The following MAP1B variants were observed in gnomAD, a reference collection of about 807,000 sequenced individuals.
The protein encoded by MAP1B is microtubule-associated protein 1B.
A neutral mutation model predicts 176.1 loss-of-function variants in MAP1B; 12 were observed. The ratio of observed to expected loss-of-function variants is 0.07; its 90% CI spans 0.04 to 0.11. MAP1B has a LOEUF of 0.11. Among genes scored for constraint, MAP1B ranks in the 10% least tolerant of loss-of-function variants. The pLI, the probability that MAP1B is intolerant of heterozygous loss-of-function variation, is 1.00. For missense variants in MAP1B, 2,523 were observed against 2,990.5 expected, an observed-to-expected ratio of 0.84 and a Z score of 3.65; for synonymous variants, 1,044 against 1,135.0, an observed-to-expected ratio of 0.92 and a Z score of 1.61.
intron 4 of MAP1B, among the ~76,000 whole-genome samples, chr5:72,192,238 C>T (rs1747040033): frequency 6.6e-6 from 1 of 152,062 alleles, no homozygotes; most frequent in Non-Finnish European, 1.5e-5. Flanking sequence ...AACTATTGTA[C>T]AAAAAACCAT....
intron 2 of MAP1B, among the ~76,000 whole-genome samples, chr5:72,169,097 T>C (rs1746486458): frequency 6.6e-6 from 1 of 152,226 alleles, no homozygotes; most frequent in Non-Finnish European, 1.5e-5. Context: ...ACCCCATTAA[T>C]AGTGACCTTG....
chr5:72,140,401 T>G (rs1745925011), intron 2 of MAP1B, among the ~76,000 whole-genome samples: 1 of 152,246 alleles, frequency 6.6e-6, no homozygotes. Context: ...CTAGTCTGTT[T>G]TATTCTATAC....
chr5:72,109,849 G>C (rs1745286919), intron 1 of MAP1B, among the ~76,000 whole-genome samples: 1 of 152,226 alleles, frequency 6.6e-6, no homozygotes, highest in Non-Finnish European at 1.5e-5. Flanking sequence ...GCTGGGAGAT[G>C]GTTCAGCAAT....
rs1005197333 is a variant in MAP1B at position 72,199,769 on chromosome 5, G to A, written c.6414G>A (p.Gln2138=). The change falls in exon 5 of 7, where the codon CAG becomes CAA. Residue 2138 remains glutamine, a synonymous_variant. Transcript: ENST00000296755. The surrounding 1 kb of genome is among the most constrained non-coding windows in gnomAD (Gnocchi z 4.2). ...GAPPPPGGKQ[Q]GRQCDETPPT... ...CACCGCCTCCAGGAGGAAAGCAACA[G>A]GGCCGACAGTGTGATGAAACCCCTC... is the stretch of plus-strand genomic sequence containing the variant. 2 of 1,614,178 alleles carry A rather than the reference G, an allele frequency of 1.2e-6. No homozygotes were observed. The highest frequency in any genetic ancestry group is 2.2e-5 in the South Asian group (2 of 91,086).
intron 2 of MAP1B, among the ~76,000 whole-genome samples, chr5:72,128,843 G>A (rs1745674557): frequency 6.6e-6 from 1 of 152,132 alleles, no homozygotes; most frequent in African/African-American, 2.4e-5. Flanking sequence ...TGTAGAGACA[G>A]GGCCTTGCTA....
At chr5:72,163,922 TTTTTTTTC>T (rs1277520598) in intron 2 of MAP1B, among the ~76,000 whole-genome samples, 1 of 84,858 alleles carries the variant, frequency 1.2e-5, no homozygotes, top group Non-Finnish European at 2.2e-5. Flanking sequence ...CTCTCTTTTT[TTTTTTTTC>T]TTTTTTTTTT....
intron 2 of MAP1B, among the ~76,000 whole-genome samples, chr5:72,164,273 G>A (rs1746387027): frequency 6.6e-6 from 1 of 152,112 alleles, no homozygotes; most frequent in African/African-American, 2.4e-5. Context: ...TCATCCCAGA[G>A]ACCTGGTTCC....
At chr5:72,175,585 T>A (rs1161362093) in intron 2 of MAP1B, among the ~76,000 whole-genome samples, 1 of 152,168 alleles carries the variant, frequency 6.6e-6, no homozygotes, top group East Asian at 1.9e-4. Context: ...TCTTTCACCT[T>A]AACCCTTGAT....
chr5:72,175,439 G>T (rs530211244), intron 2 of MAP1B, among the ~76,000 whole-genome samples: 4 of 152,124 alleles, frequency 2.6e-5, no homozygotes, highest in African/African-American at 4.8e-5. Flanking sequence ...GCTGGTGCCA[G>T]GATTGGGCTT....
chr5:72,183,476 G>A (rs1580012251), intron 2 of MAP1B, among the ~76,000 whole-genome samples: 1 of 152,358 alleles, frequency 6.6e-6, no homozygotes, highest in East Asian at 1.9e-4. Context: ...CCGCAAGGAG[G>A]CTGCCTAGAC....
chr5:72,179,550 C>T (rs1371880341), intron 2 of MAP1B: 21 of 917,074 alleles, frequency 2.3e-5, no homozygotes, highest in East Asian at 1.2e-4. Flanking sequence ...AGAACCCGCC[C>T]GCCTGCCGCA....
chr5:72,130,332 A>G (rs1745706070), intron 2 of MAP1B, among the ~76,000 whole-genome samples: 1 of 152,210 alleles, frequency 6.6e-6, no homozygotes, highest in Non-Finnish European at 1.5e-5. Context: ...GAATGCAATT[A>G]TCTTTTAACC....
At chr5:72,180,013 T>C in intron 2 of MAP1B, 1 of 793,138 alleles carries the variant, frequency 1.3e-6, no homozygotes, top group South Asian at 5.7e-5. Flanking sequence ...AGGGGCCACC[T>C]CGGCAGCAGG....
chr5:72,112,222 C>T (rs2112114685), intron 1 of MAP1B, among the ~76,000 whole-genome samples: 1 of 152,298 alleles, frequency 6.6e-6, no homozygotes, highest in South Asian at 2.1e-4. Flanking sequence ...AATCAACTTG[C>T]CAAAGGCCCA....
chr5:72,149,815 G>T (rs1395887393), intron 2 of MAP1B, among the ~76,000 whole-genome samples: 1 of 152,212 alleles, frequency 6.6e-6, no homozygotes, highest in Non-Finnish European at 1.5e-5. Flanking sequence ...CAGGAGGGAG[G>T]AAGTGGGACA....
At chr5:72,111,065 G>A (rs572102131) in intron 1 of MAP1B, among the ~76,000 whole-genome samples, 2 of 152,216 alleles carry the variant, frequency 1.3e-5, no homozygotes, top group South Asian at 4.1e-4. Flanking sequence ...ATTCCAAATC[G>A]TTTTCGCTAC....
chr5:72,135,175 C>G (rs1745814972), intron 2 of MAP1B, among the ~76,000 whole-genome samples: 1 of 151,930 alleles, frequency 6.6e-6, no homozygotes, highest in African/African-American at 2.4e-5. Flanking sequence ...AATACCAGCT[C>G]TGGCTTTTAC....
intron 2 of MAP1B, among the ~76,000 whole-genome samples, chr5:72,155,602 C>T (rs1746213400): frequency 6.6e-6 from 1 of 152,134 alleles, no homozygotes; most frequent in African/African-American, 2.4e-5. Flanking sequence ...TTCCCAGCAT[C>T]AGTGGAGTCA....
At chr5:72,114,395 A>C (rs1008238880) in intron 1 of MAP1B, among the ~76,000 whole-genome samples, 2 of 152,214 alleles carry the variant, frequency 1.3e-5, no homozygotes, top group Non-Finnish European at 2.9e-5. Flanking sequence ...AACAAAAATG[A>C]TTACATGACT....
Sources: allele counts gnomAD v4.1 joint callset (sites outside exome capture counted in the v4.1 genomes callset), GRCh38; gene constraint gnomAD v4.1.1; non-coding constraint Gnocchi (gnomAD v3.1); transcripts MANE v1.5; gene names NCBI Gene and HGNC (gene_info 2026-07-23, HGNC 2026-07-21).